The following GASK1A variants were observed in gnomAD, a reference collection of about 807,000 sequenced individuals.
GASK1A encodes the protein Golgi-associated kinase 1A.
In GASK1A, 40 loss-of-function variants were observed where a neutral mutation model predicts 41.2. That is an observed-to-expected ratio of 0.97 (90% CI 0.75 to 1.27). The LOEUF (loss-of-function observed/expected upper bound fraction) is 1.27. Among genes scored for constraint, GASK1A ranks in the 50% most tolerant of loss-of-function variants. GASK1A has a pLI of 0.00. For synonymous variants in GASK1A, 316 were observed against 307.1 expected (o/e 1.03, Z -0.30); for missense variants, 678 against 745.1 (o/e 0.91, Z 1.05).
chr3:42,999,460 G>T (rs1380047984), intron 1 of GASK1A, among the ~76,000 whole-genome samples: 1 of 152,212 alleles, frequency 6.6e-6, no homozygotes, highest in Non-Finnish European at 1.5e-5. Context: ...GCAGGGCTGT[G>T]GGGAGGAGAG....
intron 2 of GASK1A, among the ~76,000 whole-genome samples, chr3:43,040,716 T>G (rs937564886): frequency 6.6e-6 from 1 of 151,652 alleles, no homozygotes; most frequent in Non-Finnish European, 1.5e-5. Context: ...GGATCTTTTT[T>G]ATTTTATTTT....
At chr3:43,012,011 C>G (rs1482273471) in intron 1 of GASK1A, among the ~76,000 whole-genome samples, 2 of 147,336 alleles carry the variant, frequency 1.4e-5, no homozygotes, top group African/African-American at 5.1e-5. Context: ...GTAACAGGGA[C>G]AGTGTGAAGC....
At position 42,984,098 on chromosome 3, in the gene GASK1A, G is replaced by C. The variant is rs1481868525; in HGVS notation, c.3+4453G>C. ...TGGTTGCTGTGAGTCACCTGGGGCT[G>C]TCTTTGCTTGGATCATCTTGTGATG... On this transcript the variant is annotated intron_variant, in intron 1 of 4. Transcript: ENST00000430121. This position sits in a 1 kb window ranked among gnomAD's most constrained non-coding sequence, Gnocchi z 4.2. 2.0e-5 allele frequency among the ~76,000 whole-genome samples: 3 copies of C among 152,046 alleles called. No individual in the cohort carries two copies. Among genetic ancestry groups the C allele is most frequent in the African/African-American group, 7.2e-5 (3 of 41,412 alleles).
chr3:43,029,649 AC>A (rs907010523), intron 1 of GASK1A, among the ~76,000 whole-genome samples: 2 of 152,166 alleles, frequency 1.3e-5, no homozygotes, highest in Admixed American at 6.5e-5. Context: ...ACATCAGTGC[AC>A]CACTCATGGA....
intron 1 of GASK1A, among the ~76,000 whole-genome samples, chr3:42,983,382 A>G (rs1251485377): frequency 2.6e-5 from 4 of 152,078 alleles, no homozygotes; most frequent in African/African-American, 9.7e-5. Flanking sequence ...CTTTCATTCA[A>G]TACCAGTCAA....
At chr3:43,046,432 T>C (rs1444657016) in intron 2 of GASK1A, among the ~76,000 whole-genome samples, 2 of 152,206 alleles carry the variant, frequency 1.3e-5, no homozygotes, top group East Asian at 3.8e-4. Flanking sequence ...AGAAGAAATT[T>C]CTAAGCAGCA....
In GASK1A at chr3:42,999,479, C is replaced by T. The variant is rs146126665; in HGVS notation, c.3+19834C>T. On this transcript the variant is annotated intron_variant, in intron 1 of 4. Coordinates refer to ENST00000430121, the MANE Select transcript of GASK1A (RefSeq NM_001129908.3). ...GGCTGTGGGGAGGAGAGGAGCTTGT[C>T]TACTGGGGCTTCAGTGGCTGGCTCT... 2.0e-5 allele frequency among the ~76,000 whole-genome samples: 3 copies of T among 152,322 alleles called. No individual in the cohort carries two copies. The East Asian group carries it at 5.8e-4, about 29-fold the overall frequency.
Position 43,005,444 on chromosome 3 carries a change from C to T in GASK1A, c.3+25799C>T, listed in dbSNP as rs1482002314. Among the ~76,000 whole-genome samples the T allele has an allele frequency of 4.7e-4, 71 of 152,164 alleles. 1 individual carries two copies. The highest frequency in any genetic ancestry group is 1.2e-4 in the Non-Finnish European group (8 of 68,036). ...CTTGTGGCATCTCGCTCTGTCCTAC[C>T]TGGGACATGAGTCATCCCTTTGTCC... On this transcript the variant is annotated intron_variant, in intron 1 of 4. Coordinates refer to ENST00000430121, the MANE Select transcript of GASK1A (RefSeq NM_001129908.3).
chr3:43,053,856 G>T (rs2089703976), intron 3 of GASK1A: 1 of 683,308 alleles, frequency 1.5e-6, no homozygotes, highest in Non-Finnish European at 2.6e-6. Context: ...CCTGAGGAGG[G>T]GTGTGGGGTG....
rs965169925 is a variant in GASK1A, at chr3:42,984,325, TCA to T, written c.3+4692_3+4693del. 6.6e-6 allele frequency among the ~76,000 whole-genome samples: 1 copy of T among 151,838 alleles called. No individual in the cohort carries two copies. The highest frequency in any genetic ancestry group is 1.5e-5 in the Non-Finnish European group (1 of 67,900). ...CTCTCTCTCTCTCTTTCTCTCTCTC[TCA>T]CACACACACACGCTGACTTTCACAC... On this transcript the variant is annotated intron_variant, in intron 1 of 4. Coordinates refer to ENST00000430121, the MANE Select transcript of GASK1A (RefSeq NM_001129908.3). This position sits in a 1 kb window ranked among gnomAD's most constrained non-coding sequence, Gnocchi z 4.2.
Position 43,055,492 on chromosome 3 carries a change from C to T in GASK1A, c.1474C>T (p.Pro492Ser). The T allele has an allele frequency of 6.4e-7, 1 of 1,551,986 alleles. No individual in the cohort carries two copies. Among genetic ancestry groups the T allele is most frequent in the Non-Finnish European group, 8.7e-7 (1 of 1,147,052 alleles). ...CGATAACGCTGGCAACCTTCAGCAC[C>T]CTGAGGACAAGCTGAACTTTCGGCT... ...YIDNAGNLQH[P>S]EDKLNFRLLE... Residue 492 changes from proline (P) to serine (S), a missense_variant, in exon 4 of 5, where the codon CCT (proline) becomes TCT (serine). Coordinates refer to ENST00000430121, the MANE Select transcript of GASK1A (RefSeq NM_001129908.3).
intron 1 of GASK1A, among the ~76,000 whole-genome samples, chr3:43,024,524 A>T (rs981568180): frequency 1.1e-4 from 16 of 151,914 alleles, no homozygotes; most frequent in Non-Finnish European, 1.8e-4. Flanking sequence ...CTTGAAACAA[A>T]CTCTGGGTAC....
intron 3 of GASK1A, chr3:43,054,393 A>G (rs982588304): frequency 3.9e-5 from 6 of 152,892 alleles, no homozygotes; most frequent in Non-Finnish European, 8.8e-5. Context: ...TCCCTGGTCA[A>G]AGGTAAATAT....
At chr3:43,053,175 T>C (rs1231404247) in intron 2 of GASK1A, among the ~76,000 whole-genome samples, 2 of 151,782 alleles carry the variant, frequency 1.3e-5, no homozygotes, top group East Asian at 1.9e-4. Context: ...AAAAATAGAG[T>C]GATGTGGAAT....
At chr3:43,022,951 C>T (rs2089529456) in intron 1 of GASK1A, among the ~76,000 whole-genome samples, 1 of 152,198 alleles carries the variant, frequency 6.6e-6, no homozygotes, top group Non-Finnish European at 1.5e-5. Context: ...GCTTCAGGGC[C>T]TCTTATGTCA....
chr3:42,982,436 A>G (rs2089287090), intron 1 of GASK1A, among the ~76,000 whole-genome samples: 1 of 152,218 alleles, frequency 6.6e-6, no homozygotes, highest in African/African-American at 2.4e-5. Context: ...TTTGAGTATT[A>G]TTTTAAAGAG....
At chr3:42,994,856 C>G (rs1055974529) in intron 1 of GASK1A, among the ~76,000 whole-genome samples, 7 of 152,150 alleles carry the variant, frequency 4.6e-5, no homozygotes, top group African/African-American at 1.7e-4. Context: ...TGTTAGCCTC[C>G]TACATCTTAT....
At chr3:42,999,089 CTCT>C (rs1176231182) in intron 1 of GASK1A, among the ~76,000 whole-genome samples, 3 of 151,604 alleles carry the variant, frequency 2.0e-5, no homozygotes, top group African/African-American at 7.3e-5. Flanking sequence ...TTTTTTTCCT[CTCT>C]TCTTTTTCTC....
intron 1 of GASK1A, among the ~76,000 whole-genome samples, chr3:43,032,038 C>T (rs930102261): frequency 6.6e-5 from 10 of 152,170 alleles, no homozygotes; most frequent in Admixed American, 3.3e-4. Context: ...CAGGCCTCAG[C>T]AGAGGCTGCC....
Sources: allele counts gnomAD v4.1 joint callset (sites outside exome capture counted in the v4.1 genomes callset), GRCh38; gene constraint gnomAD v4.1.1; non-coding constraint Gnocchi (gnomAD v3.1); transcripts MANE v1.5; gene names NCBI Gene and HGNC (gene_info 2026-07-23, HGNC 2026-07-21).